The following UNC79 variants were observed in gnomAD, a reference collection of about 807,000 sequenced individuals.
UNC79 encodes protein unc-79 homolog.
In UNC79, 37 loss-of-function variants were observed where a neutral mutation model predicts 283.1. That is an observed-to-expected ratio of 0.13 (90% CI 0.10 to 0.17). The LOEUF (loss-of-function observed/expected upper bound fraction) is 0.17. Among genes scored for constraint, UNC79 ranks in the 10% least tolerant of loss-of-function variants. The pLI is 1.00. For missense variants in UNC79, 2,272 were observed against 3,211.1 expected, an observed-to-expected ratio of 0.71 and a Z score of 7.07; for synonymous variants, 1,107 against 1,200.2, an observed-to-expected ratio of 0.92 and a Z score of 1.61.
chr14:93,497,334 C>A, intron 7 of UNC79, 48 bp downstream of exon 7: 1 of 1,583,916 alleles, frequency 6.3e-7, no homozygotes, highest in Non-Finnish European at 8.5e-7. Context: ...TTCTCCTGTG[C>A]CACACTGGCC....
chr14:93,449,804 A>G (rs1462632771), intron 1 of UNC79, among the ~76,000 whole-genome samples: 1 of 152,214 alleles, frequency 6.6e-6, no homozygotes, highest in Non-Finnish European at 1.5e-5. Flanking sequence ...AAGCAAGGGA[A>G]TGATAAATGA....
At chr14:93,464,787 G>A (rs1300230141) in intron 1 of UNC79, among the ~76,000 whole-genome samples, 1 of 152,120 alleles carries the variant, frequency 6.6e-6, no homozygotes, top group Non-Finnish European at 1.5e-5. Flanking sequence ...GTATATGTGT[G>A]GAGTAAAGAG....
chr14:93,434,219 GAAAA>G (rs1287287778), intron 1 of UNC79, among the ~76,000 whole-genome samples: 2 of 125,664 alleles, frequency 1.6e-5, no homozygotes, highest in Middle Eastern at 3.7e-3. Context: ...GTCTCAAAAA[GAAAA>G]AAAAAAAGAA....
intron 1 of UNC79, among the ~76,000 whole-genome samples, chr14:93,391,163 C>T (rs2054874145): frequency 1.3e-5 from 2 of 151,940 alleles, no homozygotes; most frequent in Non-Finnish European, 2.9e-5. Flanking sequence ...GATATGAACA[C>T]TTGATTAGAC....
At chr14:93,347,225 T>C in intron 1 of UNC79, 1 of 1,545,820 alleles carries the variant, frequency 6.5e-7, no homozygotes, top group Non-Finnish European at 8.7e-7. Context: ...TGGCCTCACC[T>C]CACCTGTGCT....
intron 4 of UNC79, among the ~76,000 whole-genome samples, chr14:93,486,514 T>C (rs919221785): frequency 1.3e-5 from 2 of 151,018 alleles, no homozygotes; most frequent in South Asian, 2.1e-4. Flanking sequence ...ATTAGCCGGG[T>C]GTGGGGGCAG....
At chr14:93,657,535 T>C (rs559559852) in intron 38 of UNC79, among the ~76,000 whole-genome samples, 55 of 152,116 alleles carry the variant, frequency 3.6e-4, no homozygotes, top group South Asian at 8.3e-4. Flanking sequence ...GTATTTTTAG[T>C]AGAGACGGGG....
intron 41 of UNC79, among the ~76,000 whole-genome samples, chr14:93,673,738 A>T (rs1353432560): frequency 6.6e-6 from 1 of 152,134 alleles, no homozygotes; most frequent in East Asian, 1.9e-4. Flanking sequence ...GAAATGCGTG[A>T]TCCAGTAGGT....
chr14:93,622,221 A>T, exon 30 of UNC79: 6 of 1,614,076 alleles, frequency 3.7e-6, no homozygotes, highest in Non-Finnish European at 5.1e-6. Context: ...TCCGGTAAAA[A>T]TGCTGCCTCT....
chr14:93,438,638 G>C (rs1369176455), intron 1 of UNC79, among the ~76,000 whole-genome samples: 1 of 151,136 alleles, frequency 6.6e-6, no homozygotes, highest in East Asian at 1.9e-4. Flanking sequence ...GTTTCAAGCA[G>C]GTTTCACTGG....
chr14:93,697,899 C>G (rs1224107793), intron 47 of UNC79, among the ~76,000 whole-genome samples: 1 of 152,186 alleles, frequency 6.6e-6, no homozygotes, highest in Non-Finnish European at 1.5e-5. Flanking sequence ...CCTCTAAGCA[C>G]TGGTTTAGCT....
chr14:93,467,488 G>A (rs2057247842), intron 1 of UNC79, among the ~76,000 whole-genome samples, 183 bp from the exon 2 acceptor site: 1 of 151,146 alleles, frequency 6.6e-6, no homozygotes, highest in Admixed American at 6.6e-5. Flanking sequence ...TTTTGTAATT[G>A]TTTCTATCAT....
At chr14:93,418,006 C>A (rs2055501795) in intron 1 of UNC79, among the ~76,000 whole-genome samples, 2 of 151,634 alleles carry the variant, frequency 1.3e-5, no homozygotes, top group South Asian at 4.3e-4. Context: ...TCGTCTGAAG[C>A]CTTCTCTCAA....
At chr14:93,398,816 G>A (rs1238298591) in intron 1 of UNC79, among the ~76,000 whole-genome samples, 1 of 152,134 alleles carries the variant, frequency 6.6e-6, no homozygotes, top group African/African-American at 2.4e-5. Flanking sequence ...GTAGGGTTTA[G>A]CTAGGCAAGA....
intron 41 of UNC79, among the ~76,000 whole-genome samples, chr14:93,673,912 G>A (rs2073109294): frequency 6.6e-6 from 1 of 152,150 alleles, no homozygotes; most frequent in Non-Finnish European, 1.5e-5. Flanking sequence ...CAGTCAAATG[G>A]CAGGATGCAC....
chr14:93,432,326 A>G (rs888738233), intron 1 of UNC79, among the ~76,000 whole-genome samples: 5 of 152,124 alleles, frequency 3.3e-5, no homozygotes, highest in Admixed American at 3.3e-4. Context: ...TTTTTTTGGA[A>G]TCCGGAAGAT....
chr14:93,502,081 A>G lies in UNC79; in HGVS notation c.898+4795A>G, dbSNP rs139937475. Among the ~76,000 whole-genome samples, 36 of 152,314 alleles carry G rather than the reference A, an allele frequency of 2.4e-4. 1 individual carries two copies. The East Asian group carries it at 7.0e-3, about 29-fold the overall frequency. On this transcript the variant is annotated intron_variant, in intron 7 of 48. Transcript: ENST00000555664. ...TTTTTCCTTTTTGGTTTATTAGTGT[A>G]TATCAACAACAACTGCTCCAATTAT... is the stretch of plus-strand genomic sequence containing the variant.
At chr14:93,618,594 A>G (rs1386872697) in intron 29 of UNC79, among the ~76,000 whole-genome samples, 2 of 152,106 alleles carry the variant, frequency 1.3e-5, no homozygotes, top group African/African-American at 4.8e-5. Flanking sequence ...TTTGTAAGAT[A>G]TTTTCTGCTG....
chr14:93,605,562 G>A (rs937597187), intron 26 of UNC79, among the ~76,000 whole-genome samples: 2 of 152,156 alleles, frequency 1.3e-5, no homozygotes, highest in Admixed American at 1.3e-4. Flanking sequence ...CACATGAATG[G>A]TGCCGTGACT....
Sources: gnomAD v4.1 joint callset for allele counts (sites outside exome capture counted in the v4.1 genomes callset) on GRCh38, gnomAD v4.1.1 for gene constraint, MANE v1.5 for transcripts, NCBI Gene and HGNC (gene_info 2026-07-23, HGNC 2026-07-21) for gene names.